ACACA: variants seen among roughly 807,000 people sequenced by gnomAD.
ACACA encodes acetyl-CoA carboxylase 1.
Under a neutral mutation model 296.1 loss-of-function variants are expected in ACACA, and 103 were observed. The ratio of observed to expected loss-of-function variants is 0.35; its 90% CI spans 0.30 to 0.41. The LOEUF is 0.41. ACACA is among the 10% of genes least tolerant of loss of function. ACACA has a pLI of 1.00. For missense variants in ACACA, 1,554 were observed against 2,989.7 expected, an observed-to-expected ratio of 0.52 and a Z score of 11.20; for synonymous variants, 953 against 1,038.6, an observed-to-expected ratio of 0.92 and a Z score of 1.58.
intron 3 of ACACA, among the ~76,000 whole-genome samples, chr17:37,308,520 T>A (rs2083985423): frequency 1.3e-5 from 2 of 152,174 alleles, no homozygotes; most frequent in African/African-American, 4.8e-5. Context: ...TTTATGCCAA[T>A]AAATTTGAAA....
chr17:37,326,918 G>A (rs976185244), intron 3 of ACACA, among the ~76,000 whole-genome samples: 3 of 151,908 alleles, frequency 2.0e-5, no homozygotes, highest in South Asian at 2.1e-4. Flanking sequence ...CATCTCCATC[G>A]CAGGAAAAGT....
intron 46 of ACACA, among the ~76,000 whole-genome samples, 164 bp from the exon 47 acceptor site, chr17:37,129,649 A>G (rs2074995106): frequency 6.6e-6 from 1 of 152,194 alleles, no homozygotes; most frequent in African/African-American, 2.4e-5. Flanking sequence ...CCAGGCCCCA[A>G]GGAACATGTA....
chr17:37,148,383 C>T (rs2075902456), intron 45 of ACACA, among the ~76,000 whole-genome samples: 1 of 152,146 alleles, frequency 6.6e-6, no homozygotes, highest in South Asian at 2.1e-4. Context: ...CACTGCTGTG[C>T]CTTTCCTTGA....
At position 37,129,315 on chromosome 17, in the gene ACACA, G is replaced by A. The variant is rs367865551; in HGVS notation, c.5944+50C>T. The A allele has an allele frequency of 2.3e-4, 366 of 1,609,628 alleles. 2 individuals are homozygous for A. The South Asian group carries it at 2.9e-3, about 13-fold the overall frequency. ...GAATTGGATAGTGATTGAAAAGAACGCTAAAAGCTTAAGAGCCAGGTACCA... is the reference window on the plus strand; with the variant it reads ...GAATTGGATAGTGATTGAAAAGAACACTAAAAGCTTAAGAGCCAGGTACCA... On this transcript the variant is annotated intron_variant, in intron 47 of 55. Coordinates refer to ENST00000616317, the MANE Select transcript of ACACA (RefSeq NM_198834.3).
chr17:37,367,944 A>G (rs1417660874), intron 1 of ACACA, among the ~76,000 whole-genome samples: 2 of 152,110 alleles, frequency 1.3e-5, no homozygotes, highest in Admixed American at 6.6e-5. Flanking sequence ...GCACACACCT[A>G]TAGTCCTAGC....
intron 54 of ACACA, among the ~76,000 whole-genome samples, chr17:37,094,572 A>AACC (rs2072858332): frequency 7.0e-5 from 8 of 114,478 alleles, no homozygotes; most frequent in Non-Finnish European, 1.2e-4. Context: ...TTGAAGAACC[A>AACC]CCCCCCCCCC....
intron 52 of ACACA, among the ~76,000 whole-genome samples, chr17:37,104,944 GAAAAAAAAA>G (rs66518229): frequency 5.3e-4 from 30 of 56,648 alleles, no homozygotes; most frequent in African/African-American, 1.9e-3. Flanking sequence ...GTCTCTGACC[GAAAAAAAAA>G]AAAAAAAAAA....
chr17:37,331,098 T>C (rs931189719), intron 2 of ACACA, among the ~76,000 whole-genome samples: 24 of 102,724 alleles, frequency 2.3e-4, no homozygotes, highest in Admixed American at 2.1e-3. Flanking sequence ...ATTTTTCATT[T>C]ATTTATTTAT....
intron 15 of ACACA, 71 bp from the exon 16 acceptor site, chr17:37,252,179 G>C: frequency 7.9e-7 from 1 of 1,265,892 alleles, no homozygotes; most frequent in Non-Finnish European, 1.2e-6. Context: ...AATGAAATCA[G>C]GCTCAAATTT....
intron 10 of ACACA, among the ~76,000 whole-genome samples, chr17:37,269,316 C>T (rs2081964441): frequency 1.3e-5 from 2 of 152,230 alleles, no homozygotes; most frequent in African/African-American, 2.4e-5. Flanking sequence ...TACAGATGCT[C>T]TTTGACTTAC....
chr17:37,161,562 A>G, intron 42 of ACACA: 1 of 611,048 alleles, frequency 1.6e-6, no homozygotes, highest in Non-Finnish European at 2.8e-6. Flanking sequence ...AGAAACAGCA[A>G]CCTGTTTTAT....
At chr17:37,259,270 G>A in intron 12 of ACACA, 90 bp downstream of exon 12, 1 of 1,399,400 alleles carries the variant, frequency 7.1e-7, no homozygotes, top group Non-Finnish European at 1.0e-6. Context: ...CAGATAGGAG[G>A]TGCTTTTCTC....
At chr17:37,246,339 G>A (rs2080696984) in intron 19 of ACACA, among the ~76,000 whole-genome samples, 1 of 152,112 alleles carries the variant, frequency 6.6e-6, no homozygotes, top group African/African-American at 2.4e-5. Flanking sequence ...TTGCCTATGT[G>A]TTTTAAAAAT....
At position 37,097,861 on chromosome 17, in the gene ACACA, GGT is replaced by G; in HGVS notation, c.6687_6688del (p.Pro2230ArgfsTer10). 1 of 1,614,152 alleles carries G rather than the reference GGT, an allele frequency of 6.2e-7. No individual in the cohort carries two copies. Among genetic ancestry groups the G allele is most frequent in the Non-Finnish European group, 8.5e-7 (1 of 1,180,034 alleles). Reference sequence around the variant, plus strand: ...AACACCCTTCTCCTGCATCCGGCCTGGTGTGTCGTGCAAGTCAGCAAACTGCA... The same window carrying G: ...AACACCCTTCTCCTGCATCCGGCCTGGTGTCGTGCAAGTCAGCAAACTGCA... On this transcript the variant is annotated frameshift_variant, in exon 53 of 56. Coordinates refer to ENST00000616317, the MANE Select transcript of ACACA (RefSeq NM_198834.3). LOFTEE classifies it high-confidence loss of function. The surrounding 1 kb of genome is among the most constrained non-coding windows in gnomAD (Gnocchi z 4.8).
intron 11 of ACACA, among the ~76,000 whole-genome samples, chr17:37,263,207 T>C (rs899002038): frequency 2.0e-5 from 3 of 152,230 alleles, no homozygotes; most frequent in African/African-American, 7.2e-5. Flanking sequence ...TAAACTATAG[T>C]TATTCCGAAG....
intron 52 of ACACA, among the ~76,000 whole-genome samples, chr17:37,109,298 A>C (rs2073859299): frequency 6.6e-6 from 1 of 152,234 alleles, no homozygotes; most frequent in Non-Finnish European, 1.5e-5. Context: ...GATACCAAAC[A>C]TGGCCATCTG....
chr17:37,306,504 AT>A (rs1743632032), intron 3 of ACACA, among the ~76,000 whole-genome samples: 1 of 152,122 alleles, frequency 6.6e-6, no homozygotes, highest in Non-Finnish European at 1.5e-5. Context: ...GATACAGAAT[AT>A]TTCCAGAGTC....
Position 37,204,657 on chromosome 17 carries a change from C to T in ACACA, c.4056+1108G>A, listed in dbSNP as rs535448539. Among the ~76,000 whole-genome samples, 107 of 152,220 alleles carry T rather than the reference C, an allele frequency of 7.0e-4. 1 individual carries two copies. Among genetic ancestry groups the T allele is most frequent in the Non-Finnish European group, 1.2e-3 (85 of 68,004 alleles). ...CTCACTGAAGAGATGAAATTTGAGA[C>T]AGTTCTTAAGACAAACAAGATTTAG... On this transcript the variant is annotated intron_variant, in intron 33 of 55. Transcript: ENST00000616317.
At chr17:37,387,623 TTTTAGTAGAGACGGG>T in intron 1 of ACACA, 1 of 151,988 alleles carries the variant, frequency 6.6e-6, no homozygotes, top group Non-Finnish European at 1.5e-5. Context: ...ATTTTTGTAT[TTTTAGTAGAGACGGG>T]TTTCACCATG....
Sources: gnomAD v4.1 joint callset for allele counts (sites outside exome capture counted in the v4.1 genomes callset) on GRCh38, gnomAD v4.1.1 for gene constraint, Gnocchi (gnomAD v3.1) non-coding constraint, MANE v1.5 for transcripts, NCBI Gene and HGNC (gene_info 2026-07-23, HGNC 2026-07-21) for gene names.